Variants in GRM1 observed in about 807,000 individuals in gnomAD.
GRM1 encodes the protein glutamate metabotropic receptor 1, also known as metabotropic glutamate receptor 1.
Under a neutral mutation model 90.9 loss-of-function variants are expected in GRM1, and 33 were observed. The ratio of observed to expected loss-of-function variants is 0.36; its 90% confidence interval spans 0.28 to 0.49. The LOEUF is 0.49. Among genes scored for constraint, GRM1 ranks in the 20% least tolerant of loss-of-function variants. The probability of loss-of-function intolerance (pLI) is 0.99; values close to 1 mark genes in which losing one functional copy is unlikely to be tolerated. For synonymous variants in GRM1, 700 were observed against 613.2 expected (o/e 1.14, Z -2.09); for missense variants, 1,190 against 1,534.3 (o/e 0.78, Z 3.75).
chr6:146,042,005 C>T (rs186170615), intron 1 of GRM1, among the ~76,000 whole-genome samples: 53 of 152,076 alleles, frequency 3.5e-4, no homozygotes, highest in Admixed American at 6.6e-4. Flanking sequence ...GAGAAATGAA[C>T]TCTGTGTCTT....
intron 2 of GRM1, among the ~76,000 whole-genome samples, chr6:146,175,350 G>A (rs1032411909): frequency 2.6e-5 from 4 of 152,174 alleles, no homozygotes; most frequent in African/African-American, 4.8e-5. Context: ...GAGGACATAC[G>A]TCCCTGTGCT....
At chr6:146,347,575 A>C (rs1452023441) in intron 3 of GRM1, among the ~76,000 whole-genome samples, 1 of 152,192 alleles carries the variant, frequency 6.6e-6, no homozygotes, top group East Asian at 1.9e-4. Context: ...AAATAAAAAT[A>C]TGCCAATTGT....
chr6:146,148,903 A>G (rs1222237765), intron 1 of GRM1, among the ~76,000 whole-genome samples: 1 of 152,186 alleles, frequency 6.6e-6, no homozygotes, highest in Non-Finnish European at 1.5e-5. Flanking sequence ...CCAATACCAC[A>G]TAGGTAAGGA....
rs528519590 is a variant in GRM1, at chr6:146,291,012, G to A, written c.951-13599G>A. The stretch of plus-strand genomic sequence containing the variant: ...AAAAATGTCTACATCATAATTTCCC[G>A]GACCTGTGACTATGTTATATTATGA... On this transcript the variant is annotated intron_variant, in intron 2 of 7. Transcript: ENST00000282753. Among the ~76,000 whole-genome samples, 54 of 152,150 alleles carry A rather than the reference G, an allele frequency of 3.5e-4. No individual in the cohort carries two copies. In the East Asian group the frequency reaches 8.9e-3, roughly 25 times the overall value.
At chr6:146,367,573 C>G (rs1775739929) in intron 5 of GRM1, among the ~76,000 whole-genome samples, 1 of 152,000 alleles carries the variant, frequency 6.6e-6, no homozygotes, top group African/African-American at 2.4e-5. Context: ...CCCATGGCCC[C>G]CATAGTAGTA....
At chr6:146,196,609 A>T (rs914587881) in intron 2 of GRM1, among the ~76,000 whole-genome samples, 2 of 151,434 alleles carry the variant, frequency 1.3e-5, no homozygotes, top group African/African-American at 4.9e-5. Context: ...CCGGCCGTTC[A>T]GTTGTTTTTA....
intron 3 of GRM1, among the ~76,000 whole-genome samples, chr6:146,318,662 T>G (rs1057429099): frequency 6.6e-6 from 1 of 152,110 alleles, no homozygotes; most frequent in African/African-American, 2.4e-5. Flanking sequence ...CTCTCCAGAA[T>G]CTGTTGTTTC....
intron 5 of GRM1, among the ~76,000 whole-genome samples, chr6:146,359,655 G>T (rs753830455): frequency 6.6e-6 from 1 of 152,132 alleles, no homozygotes; most frequent in African/African-American, 2.4e-5. Context: ...CATACCACGT[G>T]TGCTCCCCTT....
chr6:146,299,374 G>C (rs570623446), intron 2 of GRM1, among the ~76,000 whole-genome samples: 4 of 151,964 alleles, frequency 2.6e-5, no homozygotes, highest in Middle Eastern at 3.4e-3. Flanking sequence ...TGAGTACCAA[G>C]TATTTTGCAT....
intron 1 of GRM1, among the ~76,000 whole-genome samples, chr6:146,115,543 G>A (rs1159844234): frequency 2.6e-5 from 4 of 151,892 alleles, no homozygotes. Context: ...TAAAAACTGG[G>A]AGTTAAGCTA....
chr6:146,073,542 C>T (rs1211093103), intron 1 of GRM1, among the ~76,000 whole-genome samples: 1 of 152,030 alleles, frequency 6.6e-6, no homozygotes, highest in African/African-American at 2.4e-5. Context: ...CAACCATATA[C>T]AAATATAATT....
intron 3 of GRM1, among the ~76,000 whole-genome samples, chr6:146,349,160 G>A (rs952283084): frequency 6.7e-6 from 1 of 150,374 alleles, no homozygotes; most frequent in Non-Finnish European, 1.5e-5. Context: ...TCCACCTCCC[G>A]GGTTCACGCC....
intron 1 of GRM1, among the ~76,000 whole-genome samples, chr6:146,117,575 T>C (rs774785116): frequency 2.0e-5 from 3 of 152,128 alleles, no homozygotes; most frequent in Non-Finnish European, 4.4e-5. Context: ...ACTTTCATTT[T>C]ATGACTTCTT....
At chr6:146,221,805 G>A (rs1001900988) in intron 2 of GRM1, among the ~76,000 whole-genome samples, 2 of 152,112 alleles carry the variant, frequency 1.3e-5, no homozygotes, top group East Asian at 3.9e-4. Context: ...GTTGTGCTAT[G>A]TACACAGCCA....
chr6:146,422,848 A>G (rs1227994216), intron 7 of GRM1, among the ~76,000 whole-genome samples: 1 of 152,120 alleles, frequency 6.6e-6, no homozygotes, highest in East Asian at 1.9e-4. Flanking sequence ...TATATGGGTA[A>G]AGTTACGCAG....
At chr6:146,135,710 A>G (rs905312651) in intron 1 of GRM1, among the ~76,000 whole-genome samples, 2 of 152,184 alleles carry the variant, frequency 1.3e-5, no homozygotes, top group South Asian at 2.1e-4. Context: ...ATATTTTGAA[A>G]GAGGCATATA....
At chr6:146,338,761 A>T (rs1413037306) in intron 3 of GRM1, among the ~76,000 whole-genome samples, 1 of 152,190 alleles carries the variant, frequency 6.6e-6, no homozygotes, top group African/African-American at 2.4e-5. Context: ...AGCCCAGAGT[A>T]GCTCTTTATT....
chr6:146,341,643 G>A (rs939137270), intron 3 of GRM1, among the ~76,000 whole-genome samples: 1 of 152,166 alleles, frequency 6.6e-6, no homozygotes. Flanking sequence ...AGAAAGCAAA[G>A]TTCCCCAAAG....
At chr6:146,065,066 AT>A (rs1416678966) in intron 1 of GRM1, among the ~76,000 whole-genome samples, 21 of 152,328 alleles carry the variant, frequency 1.4e-4, no homozygotes, top group African/African-American at 5.1e-4. Flanking sequence ...TATTAAAAAA[AT>A]ATAATCACTC....
Sources: gnomAD v4.1 joint callset for allele counts (sites outside exome capture counted in the v4.1 genomes callset) on GRCh38, gnomAD v4.1.1 for gene constraint, MANE v1.5 for transcripts, NCBI Gene and HGNC (gene_info 2026-07-23, HGNC 2026-07-21) for gene names.